Variants in NRAS observed in about 807,000 individuals in gnomAD.
The protein encoded by NRAS is NRAS proto-oncogene, GTPase, also known as GTPase NRas.
Under a neutral mutation model 21.3 loss-of-function variants are expected in NRAS, and 6 were observed. The ratio of observed to expected loss-of-function variants is 0.28; its 90% CI spans 0.15 to 0.56. The LOEUF is 0.56. NRAS is among the 20% of genes least tolerant of loss of function. The pLI, the probability that NRAS is intolerant of heterozygous loss-of-function variation, is 0.93. For missense variants in NRAS, 143 were observed against 231.3 expected, an observed-to-expected ratio of 0.62 and a Z score of 2.48; for synonymous variants, 84 against 82.0, an observed-to-expected ratio of 1.02 and a Z score of -0.13.
At chr1:114,716,001 C>G (rs1659155187) in intron 2 of NRAS, 49 bp downstream of exon 2, 3 of 1,128,682 alleles carry the variant, frequency 2.7e-6, no homozygotes, top group Non-Finnish European at 4.1e-6. Context: ...AAAGATGATC[C>G]GACAAGTGAG....
At position 114,713,817 on chromosome 1, in the gene NRAS, C is replaced by T. The variant is rs1429502684; in HGVS notation, c.273G>A (p.Ala91=). ...CCTAGTACCTGTAGAGGTTAATATC[C>T]GCAAATGACTTGCTATTATTGATGG... ...VFAINNSKSF[A]DINLYREQIK... The change falls in exon 3 of 7, where the codon GCG becomes GCA. Residue 91 remains alanine (A), a synonymous_variant. Coordinates refer to ENST00000369535, the MANE Select transcript of NRAS (RefSeq NM_002524.5). 28 of 1,613,736 alleles carry T rather than the reference C, an allele frequency of 1.7e-5. No individual in the cohort carries two copies. Among genetic ancestry groups the T allele is most frequent in the Admixed American group, 3.3e-5 (2 of 59,992 alleles).
chr1:114,712,527 T>A (rs1659070343), intron 3 of NRAS, among the ~76,000 whole-genome samples: 1 of 152,152 alleles, frequency 6.6e-6, no homozygotes, highest in Admixed American at 6.5e-5. Context: ...ATTTATTAGA[T>A]GCATGCCAAG....
At chr1:114,714,422 A>G (rs1002720134) in intron 2 of NRAS, among the ~76,000 whole-genome samples, 14 of 152,210 alleles carry the variant, frequency 9.2e-5, no homozygotes, top group Non-Finnish European at 1.6e-4. Context: ...ATTTGTGTTT[A>G]TGACTAAATA....
At chr1:114,711,655 T>C (rs1383972702) in intron 3 of NRAS, among the ~76,000 whole-genome samples, 1 of 150,948 alleles carries the variant, frequency 6.6e-6, no homozygotes, top group Non-Finnish European at 1.5e-5. Flanking sequence ...AACAAAACAT[T>C]GTATCTGGAA....
chr1:114,716,227 CTT>C, intron 1 of NRAS, 50 bp from the exon 2 acceptor site: 2 of 1,012,656 alleles, frequency 2.0e-6, no homozygotes, highest in Middle Eastern at 2.1e-4. Flanking sequence ...ATCTACAGTA[CTT>C]TAAAGCTTTC....
chr1:114,716,019 ATCAGG>A (rs1376784874), intron 2 of NRAS, 26 bp downstream of exon 2: 1 of 1,247,768 alleles, frequency 8.0e-7, no homozygotes, highest in Non-Finnish European at 1.2e-6. Context: ...GAGAGACAGG[ATCAGG>A]TCAGCGGGCT....
rs1224126909 is a variant in NRAS, at chr1:114,708,525, G to C, written c.*4+6C>G. 2 of 1,613,278 alleles carry C rather than the reference G, an allele frequency of 1.2e-6. No homozygotes were observed. Among genetic ancestry groups the C allele is most frequent in the South Asian group, 2.2e-5 (2 of 91,060 alleles). On this transcript the variant is annotated splice_donor_region_variant and intron_variant, in intron 5 of 6. Coordinates refer to ENST00000369535, the MANE Select transcript of NRAS (RefSeq NM_002524.5). ...TTGTAATTATGCCAAGAAACCATAT[G>C]CTCACCTTGTTACATCACCACACAT...
At chr1:114,711,264 G>A (rs773599951) in intron 3 of NRAS, among the ~76,000 whole-genome samples, 9 of 152,066 alleles carry the variant, frequency 5.9e-5, no homozygotes, top group Non-Finnish European at 1.2e-4. Flanking sequence ...TCATGCCACC[G>A]CACTCTGGCT....
Position 114,708,566 on chromosome 1 carries a change from C to T in NRAS, c.539G>A (p.Gly180Asp). The T allele has an allele frequency of 6.2e-7, 1 of 1,613,680 alleles. No homozygotes were observed. The highest frequency in any genetic ancestry group is 1.1e-5 in the South Asian group (1 of 91,076). ...CACCACACATGGCAATCCCATACAA[C>T]CCTGAGTCCCATCATCACTGCTGTT... ...KLNSSDDGTQ[G>D]CMGLPCVVM The change falls in exon 5 of 7, where the codon GGT becomes GAT. Residue 180 changes from glycine to aspartate, a missense_variant. Physicochemically the swap from Gly to Asp is moderately conservative, Grantham distance 94. Coordinates refer to ENST00000369535, the MANE Select transcript of NRAS (RefSeq NM_002524.5).
rs768500865 is a variant in NRAS, at chr1:114,709,646, C to T, written c.373G>A (p.Val125Ile). 18 of 1,613,788 alleles carry T rather than the reference C, an allele frequency of 1.1e-5. No individual in the cohort carries two copies. Among genetic ancestry groups the T allele is most frequent in the Non-Finnish European group, 1.4e-5 (16 of 1,179,670 alleles). ...AGTTCGTGGGCTTGTTTTGTATCAACTGTCCTTGTTGGCAAATCACACTTG... is the reference window on the plus strand; with the variant it reads ...AGTTCGTGGGCTTGTTTTGTATCAATTGTCCTTGTTGGCAAATCACACTTG... ...GNKCDLPTRTVDTKQAHELAK... is the reference protein window; with the variant it reads ...GNKCDLPTRTIDTKQAHELAK... Residue 125 changes from valine (V) to isoleucine (I), a missense_variant, in exon 4 of 7, where the codon GTT (valine) becomes ATT (isoleucine). Physicochemically the swap from Val to Ile is conservative, Grantham distance 29 (BLOSUM62 3). Transcript: ENST00000369535.
At chr1:114,710,130 G>GCAGTGAGCCAAGATCA (rs1157240367) in intron 3 of NRAS, among the ~76,000 whole-genome samples, 1 of 150,810 alleles carries the variant, frequency 6.6e-6, no homozygotes, top group Non-Finnish European at 1.5e-5. Context: ...GGCGAAGATT[G>GCAGTGAGCCAAGATCA]CAGTGAGCCA....
rs1221872764 is a variant in NRAS, at chr1:114,705,328, T to C, written c.*2766A>G. On this transcript the variant is annotated 3_prime_UTR_variant, in exon 7 of 7. Transcript: ENST00000369535. Reference sequence around the variant, plus strand: ...TTAAGTAACATTCTATAGTAAGCCGTTGGAGCAAATACAGCATTTAACAGG... The same window carrying C: ...TTAAGTAACATTCTATAGTAAGCCGCTGGAGCAAATACAGCATTTAACAGG... 1 of 152,170 alleles carries C rather than the reference T, an allele frequency of 6.6e-6. No individual in the cohort carries two copies. Among genetic ancestry groups the C allele is most frequent in the African/African-American group, 2.4e-5 (1 of 41,434 alleles). 9.4% of individuals were successfully genotyped at this position (152,170 alleles called of 1,614,324 possible). A position where few individuals can be genotyped will look rare whatever the true frequency, so the allele number is the denominator to read the frequency against.
Position 114,708,633 on chromosome 1 carries a change from T to C in NRAS, c.472A>G (p.Thr158Ala). ...TRQGVEDAFY[T>A]LVREIRQYRM... ...TACTGGCGTATTTCTCTTACCAGTG[T>C]GTAAAAAGCATCTTCAACACCCTAT... Residue 158 changes from threonine (T) to alanine (A), a missense_variant, in exon 5 of 7, where the codon ACA becomes GCA. By Grantham distance (58) the Thr-to-Ala change is moderately conservative. Coordinates refer to ENST00000369535, the MANE Select transcript of NRAS (RefSeq NM_002524.5). 6.2e-7 allele frequency: 1 copy of C among 1,613,700 alleles called. No homozygotes were observed. Among genetic ancestry groups the C allele is most frequent in the Non-Finnish European group, 8.5e-7 (1 of 1,179,628 alleles).
intron 2 of NRAS, among the ~76,000 whole-genome samples, chr1:114,715,398 T>C (rs577637661): frequency 2.8e-4 from 42 of 152,292 alleles, no homozygotes; most frequent in African/African-American, 9.1e-4. Flanking sequence ...ATAATAACAA[T>C]AGAATCCCTA....
rs567053969 is a variant in NRAS, at chr1:114,714,458, GT to G, written c.112-481del. Among the ~76,000 whole-genome samples, 641 of 149,114 alleles carry G rather than the reference GT, an allele frequency of 4.3e-3. 2 individuals carry two copies. The highest frequency in any genetic ancestry group is 7.4e-3 in the Non-Finnish European group (497 of 67,040). ...TACAAATACCTTTGTTTCAGAGAAG[GT>G]TTTTTTTTTATCATGACAGATGTAC... is the stretch of plus-strand genomic sequence containing the variant. On this transcript the variant is annotated intron_variant, in intron 2 of 6. Transcript: ENST00000369535.
chr1:114,711,906 T>C (rs1445575054), intron 3 of NRAS, among the ~76,000 whole-genome samples: 1 of 152,232 alleles, frequency 6.6e-6, no homozygotes, highest in African/African-American at 2.4e-5. Context: ...GAGCATTTGG[T>C]AGTCAAGGAA....
In NRAS at chr1:114,713,847, TAC is replaced by T; in HGVS notation, c.241_242del (p.Val81IlefsTer5). 3 of 1,614,096 alleles carry T rather than the reference TAC, an allele frequency of 1.9e-6. No homozygotes were observed. The highest frequency in any genetic ancestry group is 2.5e-6 in the Non-Finnish European group (3 of 1,179,974). ...YMRTGEGFLC[V>X]FAINNSKSFA... Reference sequence around the variant, plus strand: ...ATGACTTGCTATTATTGATGGCAAATACACAGAGGAAGCCTTCGCCTGTCCTC... The same window carrying T: ...ATGACTTGCTATTATTGATGGCAAATACAGAGGAAGCCTTCGCCTGTCCTC... On this transcript the variant is annotated frameshift_variant, in exon 3 of 7. Coordinates refer to ENST00000369535, the MANE Select transcript of NRAS (RefSeq NM_002524.5). LOFTEE classifies it high-confidence loss of function.
At chr1:114,715,927 G>A (rs1250454076) in intron 2 of NRAS, 123 bp downstream of exon 2, 1 of 729,540 alleles carries the variant, frequency 1.4e-6, no homozygotes, top group African/African-American at 1.7e-5. Context: ...TTGCATAACT[G>A]AATGTATACC....
At chr1:114,708,710 A>G in intron 4 of NRAS, 56 bp from the exon 5 acceptor site, 1 of 1,555,964 alleles carries the variant, frequency 6.4e-7, no homozygotes, top group South Asian at 1.1e-5. Context: ...GACACAATCC[A>G]AATTATAAGC....
Sources: gnomAD v4.1 joint callset for allele counts (sites outside exome capture counted in the v4.1 genomes callset) on GRCh38, gnomAD v4.1.1 for gene constraint, MANE v1.5 for transcripts, NCBI Gene and HGNC (gene_info 2026-07-23, HGNC 2026-07-21) for gene names.